The following FRAS1 variants were observed in gnomAD, a reference collection of about 807,000 sequenced individuals.
FRAS1 encodes the protein extracellular matrix organizing protein FRAS1.
In FRAS1, 290 loss-of-function variants were observed where a neutral mutation model predicts 435.2. The observed-to-expected ratio is 0.67, with a 90% CI of 0.61 to 0.73. FRAS1 has a LOEUF of 0.73. FRAS1 is among the 30% of genes least tolerant of loss of function. The probability of loss-of-function intolerance (pLI) is 0.00; values close to 1 mark genes in which losing one functional copy is unlikely to be tolerated. For synonymous variants in FRAS1, 1,800 were observed against 1,851.0 expected (o/e 0.97, Z 0.71); for missense variants, 4,860 against 5,001.5 (o/e 0.97, Z 0.85).
intron 25 of FRAS1, 28 bp downstream of exon 25, chr4:78,374,279 G>T (rs757514568): frequency 1.3e-6 from 2 of 1,547,474 alleles, no homozygotes; most frequent in South Asian, 1.2e-5. Flanking sequence ...GATTATTCTG[G>T]AAAGAAGTGA....
At chr4:78,430,696 G>A (rs1204749212) in intron 37 of FRAS1, among the ~76,000 whole-genome samples, 2 of 151,940 alleles carry the variant, frequency 1.3e-5, no homozygotes, top group South Asian at 2.1e-4. Context: ...TGGAGTAAAT[G>A]CATTCAGAAT....
In FRAS1 at chr4:78,181,282, AGT is replaced by A. The variant is rs926140255; in HGVS notation, c.109-56225_109-56224del. 21 of 1,606,068 alleles carry A rather than the reference AGT, an allele frequency of 1.3e-5. 1 individual carries two copies. The highest frequency in any genetic ancestry group is 1.8e-5 in the Non-Finnish European group (21 of 1,174,170). ...CTTCAACATCATTCTCCTTATTTTC[AGT>A]GTCTGCCACTGGATGATGTTCTTCA... On this transcript the variant is annotated intron_variant, in intron 2 of 73. Transcript: ENST00000512123.
chr4:78,514,026 T>C (rs1366176604), intron 65 of FRAS1, among the ~76,000 whole-genome samples: 2 of 152,146 alleles, frequency 1.3e-5, no homozygotes, highest in African/African-American at 2.4e-5. Context: ...GAGTTTGGGG[T>C]TACAAGATGT....
At chr4:78,136,152 C>G (rs927310697) in intron 2 of FRAS1, among the ~76,000 whole-genome samples, 1 of 152,160 alleles carries the variant, frequency 6.6e-6, no homozygotes, top group Non-Finnish European at 1.5e-5. Context: ...GAACAGTAGA[C>G]AGCACTGCAG....
At chr4:78,203,677 C>T (rs1723137842) in intron 2 of FRAS1, among the ~76,000 whole-genome samples, 2 of 152,164 alleles carry the variant, frequency 1.3e-5, no homozygotes, top group South Asian at 4.1e-4. Context: ...AGCTATTCTC[C>T]TGCTTCAGCC....
At chr4:78,251,077 A>C (rs1317819940) in intron 4 of FRAS1, among the ~76,000 whole-genome samples, 3 of 152,186 alleles carry the variant, frequency 2.0e-5, no homozygotes, top group Admixed American at 1.3e-4. Context: ...ATTTTAACTC[A>C]TTAAATCCTA....
chr4:78,123,865 G>C (rs139407735), intron 2 of FRAS1, among the ~76,000 whole-genome samples: 3,573 of 152,302 alleles, frequency 0.023, 63 homozygotes, highest in South Asian at 0.048. Context: ...ATCAGCTTAA[G>C]GAGATTTTGG....
chr4:78,226,547 G>A lies in FRAS1; in HGVS notation c.109-10963G>A, dbSNP rs962385360. On this transcript the variant is annotated intron_variant, in intron 2 of 73. Transcript: ENST00000512123. ...CTTTTTTTTTTTAATGTGTGGAGAAGTTAGCTATCAGTTTTGGCATTTTTA... is the reference window on the plus strand; with the variant it reads ...CTTTTTTTTTTTAATGTGTGGAGAAATTAGCTATCAGTTTTGGCATTTTTA... 3.3e-5 allele frequency among the ~76,000 whole-genome samples: 5 copies of A among 151,314 alleles called. No homozygotes were observed. The South Asian group carries it at 1.0e-3, about 31-fold the overall frequency.
chr4:78,357,083 T>G (rs1018782778), intron 20 of FRAS1, among the ~76,000 whole-genome samples: 5 of 152,184 alleles, frequency 3.3e-5, no homozygotes, highest in African/African-American at 1.2e-4. Context: ...ACTTCTGGGT[T>G]GCCTAAGCTT....
intron 2 of FRAS1, among the ~76,000 whole-genome samples, chr4:78,175,150 TCCCATCG>T (rs913391935): frequency 6.6e-6 from 1 of 152,212 alleles, no homozygotes; most frequent in African/African-American, 2.4e-5. Flanking sequence ...TGGCTTCTTA[TCCCATCG>T]CCTGGAGGCT....
rs954173125 is a variant in FRAS1 at position 78,200,102 on chromosome 4, T to C, written c.109-37408T>C. The stretch of plus-strand genomic sequence containing the variant: ...ACCCTAACTGCCTGCTCATTCAATG[T>C]GAAGCAGTTGAACACAGGTCTTGTC... On this transcript the variant is annotated intron_variant, in intron 2 of 73. Transcript: ENST00000512123. Among the ~76,000 whole-genome samples, 8 of 152,210 alleles carry C rather than the reference T, an allele frequency of 5.3e-5. No homozygotes were observed. The East Asian group carries it at 1.5e-3, about 29-fold the overall frequency.
intron 2 of FRAS1, chr4:78,070,680 G>C (rs1740301621): frequency 6.6e-6 from 1 of 152,074 alleles, no homozygotes; most frequent in African/African-American, 2.4e-5. Flanking sequence ...AGTGTGAGGA[G>C]GAAAATTAAT....
intron 14 of FRAS1, among the ~76,000 whole-genome samples, chr4:78,292,999 C>T (rs1190212223): frequency 1.3e-5 from 2 of 152,134 alleles, no homozygotes; most frequent in East Asian, 1.9e-4. Flanking sequence ...CCTGTCTCTT[C>T]GATTCTGTTC....
chr4:78,483,782 C>CTA (rs1393760973), intron 58 of FRAS1, among the ~76,000 whole-genome samples: 1,971 of 83,312 alleles, frequency 0.024, 146 homozygotes, highest in African/African-American at 0.046. Context: ...CTCTCTCTCT[C>CTA]TATATATATA....
At chr4:78,085,772 A>G (rs970175225) in intron 2 of FRAS1, among the ~76,000 whole-genome samples, 1 of 152,142 alleles carries the variant, frequency 6.6e-6, no homozygotes, top group Admixed American at 6.5e-5. Context: ...CAGATTCATA[A>G]AGCAAGTCCT....
intron 47 of FRAS1, among the ~76,000 whole-genome samples, chr4:78,456,205 G>A (rs1013902826): frequency 3.9e-5 from 4 of 103,114 alleles, no homozygotes; most frequent in African/African-American, 1.7e-4. Flanking sequence ...GTGCAACGGT[G>A]TGATCTTGGC....
At chr4:78,306,481 A>C (rs11723662) in intron 14 of FRAS1, among the ~76,000 whole-genome samples, 8,557 of 50,490 alleles carry the variant, frequency 0.17, 1,428 homozygotes, top group African/African-American at 0.34. Flanking sequence ...TCCATTCTCC[A>C]CATCACTTTC....
At chr4:78,227,452 T>C (rs577276868) in intron 2 of FRAS1, among the ~76,000 whole-genome samples, 4 of 152,340 alleles carry the variant, frequency 2.6e-5, no homozygotes, top group Admixed American at 6.5e-5. Flanking sequence ...GTTAACATCA[T>C]GAGGCTGAGT....
intron 2 of FRAS1, among the ~76,000 whole-genome samples, chr4:78,220,695 A>C (rs1000028714): frequency 6.6e-6 from 1 of 152,204 alleles, no homozygotes; most frequent in African/African-American, 2.4e-5. Flanking sequence ...TCAGACAGTA[A>C]ATCTTCTAAT....
Sources: allele counts gnomAD v4.1 joint callset (sites outside exome capture counted in the v4.1 genomes callset), GRCh38; gene constraint gnomAD v4.1.1; transcripts MANE v1.5; gene names NCBI Gene and HGNC (gene_info 2026-07-23, HGNC 2026-07-21).